NSUN2: variants seen among roughly 807,000 people sequenced by gnomAD.
NSUN2 encodes NOP2/Sun RNA methyltransferase 2.
In NSUN2, 63 loss-of-function variants were observed where a neutral mutation model predicts 92.7. The observed-to-expected ratio is 0.68, with a 90% CI of 0.56 to 0.84. The LOEUF (loss-of-function observed/expected upper bound fraction) is 0.84, where lower values mean the gene tolerates loss of function less well. Among genes scored for constraint, NSUN2 ranks in the 40% least tolerant of loss-of-function variants. The pLI is 0.00. For synonymous variants in NSUN2, 356 were observed against 348.3 expected, an observed-to-expected ratio of 1.02 and a Z score of -0.25; for missense variants, 989 against 964.9, an observed-to-expected ratio of 1.02 and a Z score of -0.33.
intron 3 of NSUN2, among the ~76,000 whole-genome samples, chr5:6,630,986 C>T (rs137954026): frequency 3.3e-4 from 50 of 152,064 alleles, no homozygotes; most frequent in Middle Eastern, 3.4e-3. Context: ...CCCAGCTACT[C>T]GGGAGGCTGA....
At chr5:6,621,273 G>T (rs1737424370) in intron 6 of NSUN2, 1 of 152,106 alleles carries the variant, frequency 6.6e-6, no homozygotes, top group African/African-American at 2.4e-5. Flanking sequence ...TGCCGATTAG[G>T]ATTTGAACCC....
chr5:6,610,049 C>A, intron 11 of NSUN2, 127 bp from the exon 12 acceptor site: 2 of 594,708 alleles, frequency 3.4e-6, no homozygotes, highest in Non-Finnish European at 5.5e-6. Context: ...ATAGAATGGC[C>A]AATATGTAAA....
intron 9 of NSUN2, among the ~76,000 whole-genome samples, chr5:6,614,094 G>GGA (rs1553997957): frequency 1.9e-5 from 1 of 53,404 alleles, no homozygotes; most frequent in Non-Finnish European, 3.5e-5. Flanking sequence ...AGACTGTCTC[G>GGA]GAAAAAAAAA....
intron 12 of NSUN2, among the ~76,000 whole-genome samples, chr5:6,608,221 G>A (rs1055210409): frequency 6.6e-6 from 1 of 152,242 alleles, no homozygotes; most frequent in Non-Finnish European, 1.5e-5. Flanking sequence ...GAGCAAGTCA[G>A]TGAGGGCACA....
At chr5:6,609,417 G>A (rs141727663) in intron 12 of NSUN2, among the ~76,000 whole-genome samples, 31 of 152,282 alleles carry the variant, frequency 2.0e-4, no homozygotes, top group African/African-American at 7.0e-4. Context: ...ATTCCTTGCA[G>A]CCAAGGTGAA....
At position 6,600,047 on chromosome 5, in the gene NSUN2, G is replaced by C. The variant is rs770226638; in HGVS notation, c.2183C>G (p.Pro728Arg). 1 of 1,614,216 alleles carries C rather than the reference G, an allele frequency of 6.2e-7. No homozygotes were observed. Among genetic ancestry groups the C allele is most frequent in the South Asian group, 1.1e-5 (1 of 91,090 alleles). Residue 728 changes from proline (P) to arginine (R), a missense_variant, in exon 19 of 19, where the codon CCA (proline) becomes CGA (arginine). By Grantham distance (103) the Pro-to-Arg change is moderately radical. Coordinates refer to ENST00000264670, the MANE Select transcript of NSUN2 (RefSeq NM_017755.6). ...CTGTCCCTCAGTCACGTCATTGTCT[G>C]GCTGTCCGGTGCTGGCTGCACTCTC... ...TNESAASTGQ[P>R]DNDVTEGQRA... is the part of the protein sequence containing the mutation.
chr5:6,607,871 C>G (rs1481717680), intron 12 of NSUN2, among the ~76,000 whole-genome samples: 2 of 152,114 alleles, frequency 1.3e-5, no homozygotes, highest in Admixed American at 6.5e-5. Flanking sequence ...CCCCAGGCAC[C>G]AAGGAAACAC....
At chr5:6,601,145 T>G (rs1736536658) in intron 18 of NSUN2, among the ~76,000 whole-genome samples, 1 of 121,096 alleles carries the variant, frequency 8.3e-6, no homozygotes. Flanking sequence ...TATAAGAAAT[T>G]CCCAACTCCC....
chr5:6,632,201 T>A (rs888612853), intron 2 of NSUN2, among the ~76,000 whole-genome samples: 1 of 119,884 alleles, frequency 8.3e-6, no homozygotes, highest in Non-Finnish European at 1.7e-5. Flanking sequence ...CCTAAGCATA[T>A]CCTACCGTTA....
intron 13 of NSUN2, 52 bp downstream of exon 13, chr5:6,607,148 A>T: frequency 6.4e-7 from 1 of 1,571,184 alleles, no homozygotes; most frequent in South Asian, 1.1e-5. Context: ...TTAATCCAAA[A>T]GGACTGTGAA....
Position 6,605,322 on chromosome 5 carries a change from AC to A in NSUN2, c.1687del (p.Val563PhefsTer10). On this transcript the variant is annotated frameshift_variant, in exon 15 of 19. Coordinates refer to ENST00000264670, the MANE Select transcript of NSUN2 (RefSeq NM_017755.6). LOFTEE classifies it high-confidence loss of function. ...TEGKKRQLYM[V>X]SKELRNVLLN... ...CAGCACATTCCGCAACTCCTTAGAA[AC>A]CATGTAGAGCTGCCTTTTCTTCCCT... The A allele has an allele frequency of 6.2e-7, 1 of 1,614,228 alleles. No homozygotes were observed.
rs951778823 is a variant in NSUN2 at position 6,599,728 on chromosome 5, A to T, written c.*198T>A. On this transcript the variant is annotated 3_prime_UTR_variant, in exon 19 of 19. Transcript: ENST00000264670. ...AAAACAAGTGATTTCTAACACGCTAAAAGAGTACATTTTCATCAGCTCCAA... is the reference window on the plus strand; with the variant it reads ...AAAACAAGTGATTTCTAACACGCTATAAGAGTACATTTTCATCAGCTCCAA... 3 of 587,258 alleles carry T rather than the reference A, an allele frequency of 5.1e-6. No individual in the cohort carries two copies. The highest frequency in any genetic ancestry group is 1.8e-5 in the African/African-American group (1 of 54,452). 36.4% of individuals were successfully genotyped at this position (587,258 alleles called of 1,614,324 possible).
At chr5:6,606,306 C>T (rs1459939475) in intron 14 of NSUN2, among the ~76,000 whole-genome samples, 1 of 151,946 alleles carries the variant, frequency 6.6e-6, no homozygotes, top group Non-Finnish European at 1.5e-5. Flanking sequence ...TTTTTTGAGA[C>T]GGAGTCTCGC....
At chr5:6,607,482 T>C in intron 12 of NSUN2, 98 bp from the exon 13 acceptor site, 2 of 1,063,068 alleles carry the variant, frequency 1.9e-6, no homozygotes, top group Non-Finnish European at 2.7e-6. Flanking sequence ...CCATCAGTTA[T>C]ATTTTTCTAC....
At chr5:6,631,553 A>C (rs1440001868) in intron 3 of NSUN2, among the ~76,000 whole-genome samples, 1 of 152,240 alleles carries the variant, frequency 6.6e-6, no homozygotes, top group Non-Finnish European at 1.5e-5. Context: ...AAGGCAAAGC[A>C]GCCACTCTGC....
chr5:6,614,110 A>C lies in NSUN2; in HGVS notation c.1022-2312T>G, dbSNP rs1409750875. On this transcript the variant is annotated intron_variant, in intron 9 of 18. Transcript: ENST00000264670. ...GACTGTCTCGGAAAAAAAAAAAAAA[A>C]AAAAAAAAAAAACCCACAACACACA... 3.7e-4 allele frequency among the ~76,000 whole-genome samples: 31 copies of C among 84,368 alleles called. 1 individual carries two copies. Among genetic ancestry groups the C allele is most frequent in the African/African-American group, 8.3e-4 (17 of 20,514 alleles). The allele number at this position is 84,368 out of a possible 152,430, so 55.3% of individuals were successfully genotyped here.
rs1275729505 is a variant in NSUN2, at chr5:6,609,581, TAC to T, written c.1323+243_1323+244del. ...TCAATTTTTATTAAATAACTGGATT[TAC>T]AGTGTGGCAGGAATACATTCCCCCA... On this transcript the variant is annotated intron_variant, in intron 12 of 18. Transcript: ENST00000264670. Among the ~76,000 whole-genome samples the T allele has an allele frequency of 1.1e-4, 16 of 152,344 alleles. No homozygotes were observed. In the South Asian group the frequency reaches 2.1e-3, roughly 20 times the overall value.
rs1405650885 is a variant in NSUN2, at chr5:6,616,631, T to C, written c.1021+96A>G. The C allele has an allele frequency of 3.2e-5, 6 of 188,720 alleles. 1 individual carries two copies. The African/African-American group carries it at 3.9e-4, about 12-fold the overall frequency. The allele number at this position is 188,720 out of a possible 1,614,324, so 11.7% of individuals were successfully genotyped here. A position where few individuals can be genotyped will look rare whatever the true frequency, so the allele number is the denominator to read the frequency against. On this transcript the variant is annotated intron_variant, in intron 9 of 18. Coordinates refer to ENST00000264670, the MANE Select transcript of NSUN2 (RefSeq NM_017755.6). ...CGGGACTGAACTGCAGGCTCAAAAA[T>C]GATTAAGATGGTAAACCTCACGTTA...
At chr5:6,608,606 T>C (rs1461962293) in intron 12 of NSUN2, among the ~76,000 whole-genome samples, 1 of 152,242 alleles carries the variant, frequency 6.6e-6, no homozygotes, top group Non-Finnish European at 1.5e-5. Flanking sequence ...AGTAAGACTA[T>C]ACATAAGGGG....
Sources: allele counts gnomAD v4.1 joint callset (sites outside exome capture counted in the v4.1 genomes callset), GRCh38; gene constraint gnomAD v4.1.1; transcripts MANE v1.5; gene names NCBI Gene and HGNC (gene_info 2026-07-23, HGNC 2026-07-21).